Variants in SCN8A observed in about 807,000 individuals in gnomAD.
SCN8A encodes sodium channel protein type 8 subunit alpha.
SCN8A carries 30 observed loss-of-function variants against 184.1 expected under a neutral mutation model. That is an observed-to-expected ratio of 0.16 (90% CI 0.12 to 0.22). The LOEUF (loss-of-function observed/expected upper bound fraction) is 0.22, where lower values mean the gene tolerates loss of function less well. Among genes scored for constraint, SCN8A ranks in the 10% least tolerant of loss-of-function variants. The pLI is 1.00. For synonymous variants in SCN8A, 852 were observed against 907.0 expected (o/e 0.94, Z 1.09); for missense variants, 1,057 against 2,498.9 (o/e 0.42, Z 12.30).
At chr12:51,791,598 G>A (rs1938252537) in intron 25 of SCN8A, among the ~76,000 whole-genome samples, 1 of 152,176 alleles carries the variant, frequency 6.6e-6, no homozygotes, top group South Asian at 2.1e-4. Context: ...ATAGAAAAGG[G>A]TTAACATTTC....
intron 1 of SCN8A, among the ~76,000 whole-genome samples, chr12:51,647,060 A>G (rs1327834228): frequency 6.6e-6 from 1 of 152,178 alleles, no homozygotes; most frequent in African/African-American, 2.4e-5. Flanking sequence ...TAAAATATCT[A>G]AGTACTAACT....
chr12:51,619,245 A>G (rs1028185298), intron 1 of SCN8A, among the ~76,000 whole-genome samples: 2 of 152,212 alleles, frequency 1.3e-5, no homozygotes, highest in African/African-American at 4.8e-5. Flanking sequence ...GCAGAATGCC[A>G]TTAAATGGAT....
intron 2 of SCN8A, among the ~76,000 whole-genome samples, chr12:51,668,630 G>A (rs57751704): frequency 6.6e-6 from 1 of 151,988 alleles, no homozygotes; most frequent in Non-Finnish European, 1.5e-5. Flanking sequence ...GTGCTTCTGG[G>A]GGAAAGGATT....
chr12:51,780,748 T>C lies in SCN8A; in HGVS notation c.3919T>C (p.Leu1307=). ...TLRALRPLRA[L]SRFEGMRVVV... Reference sequence around the variant, plus strand: ...AAGAGCTTTGAGACCCTTAAGAGCCTTATCACGATTTGAAGGGATGAGGGT... The same window carrying C: ...AAGAGCTTTGAGACCCTTAAGAGCCCTATCACGATTTGAAGGGATGAGGGT... The change falls in exon 21 of 27, where the codon TTA becomes CTA. Residue 1307 remains leucine (L), a synonymous_variant. Transcript: ENST00000627620. 1 of 1,592,406 alleles carries C rather than the reference T, an allele frequency of 6.3e-7. No homozygotes were observed. The highest frequency in any genetic ancestry group is 8.5e-7 in the Non-Finnish European group (1 of 1,173,444).
intron 12 of SCN8A, among the ~76,000 whole-genome samples, chr12:51,741,340 G>T (rs1236584373): frequency 1.3e-5 from 2 of 152,058 alleles, no homozygotes; most frequent in Non-Finnish European, 2.9e-5. Flanking sequence ...TTTATTCTCA[G>T]TCTGTGTATC....
rs1479075840 is a variant in SCN8A, at chr12:51,739,137, A to T, written c.1999-6766A>T. On this transcript the variant is annotated intron_variant, in intron 12 of 26. Transcript: ENST00000627620. ...CTCTATCTGGCGGCCTGACTTGCTG[A>T]TTTTTTCTACATTCTTTTTTAGTAT... Among the ~76,000 whole-genome samples, 8 of 151,950 alleles carry T rather than the reference A, an allele frequency of 5.3e-5. 1 individual carries two copies. The highest frequency in any genetic ancestry group is 1.9e-4 in the African/African-American group (8 of 41,340).
chr12:51,770,480 G>A (rs1942907828), intron 18 of SCN8A, 49 bp from the exon 19 acceptor site: 2 of 1,512,590 alleles, frequency 1.3e-6, no homozygotes, highest in Admixed American at 2.0e-5. Flanking sequence ...GGGCAGGTCT[G>A]GGCGGGGCAC....
intron 14 of SCN8A, among the ~76,000 whole-genome samples, chr12:51,755,302 ATC>A (rs1411187902): frequency 1.3e-5 from 2 of 152,174 alleles, no homozygotes. Context: ...TTTCTATTTT[ATC>A]TGAGTTACAA....
intron 1 of SCN8A, among the ~76,000 whole-genome samples, chr12:51,659,609 G>C (rs1940888796): frequency 1.3e-5 from 2 of 152,272 alleles, no homozygotes; most frequent in Non-Finnish European, 1.5e-5. Flanking sequence ...CCTATAACTG[G>C]TAAGTTTGAG....
chr12:51,610,250 C>T (rs976204483), intron 1 of SCN8A, among the ~76,000 whole-genome samples: 1 of 151,496 alleles, frequency 6.6e-6, no homozygotes, highest in African/African-American at 2.4e-5. Flanking sequence ...CTTTTTCCAC[C>T]TGTTTACCTG....
At chr12:51,688,768 G>A (rs1253906842) in intron 5 of SCN8A, 1 of 1,613,442 alleles carries the variant, frequency 6.2e-7, no homozygotes, top group East Asian at 2.2e-5. Flanking sequence ...GTATATAACA[G>A]AGTTTGTAAA....
At chr12:51,794,814 A>G (rs1234891061) in intron 26 of SCN8A, among the ~76,000 whole-genome samples, 173 bp downstream of exon 26, 2 of 151,652 alleles carry the variant, frequency 1.3e-5, no homozygotes, top group Non-Finnish European at 2.9e-5. Context: ...AGCAGGTTCC[A>G]TGGTCAGTGA....
intron 7 of SCN8A, among the ~76,000 whole-genome samples, chr12:51,700,526 C>A (rs1016221116): frequency 1.3e-5 from 2 of 152,166 alleles, no homozygotes; most frequent in African/African-American, 4.8e-5. Context: ...AATCCTATTA[C>A]AGTTGAGTAG....
At chr12:51,794,697 A>G (rs1416519570) in intron 26 of SCN8A, 56 bp downstream of exon 26, 1 of 1,540,786 alleles carries the variant, frequency 6.5e-7, no homozygotes, top group Non-Finnish European at 8.9e-7. Flanking sequence ...GATTGTGAGG[A>G]TGAGATTTCC....
intron 1 of SCN8A, among the ~76,000 whole-genome samples, chr12:51,602,935 C>CT (rs576487360): frequency 2.6e-5 from 4 of 152,066 alleles, no homozygotes; most frequent in Non-Finnish European, 5.9e-5. Context: ...TATTATTTTC[C>CT]TTTTTTTCTT....
intron 25 of SCN8A, among the ~76,000 whole-genome samples, chr12:51,791,221 A>G (rs1938241496): frequency 6.6e-6 from 1 of 152,196 alleles, no homozygotes; most frequent in Non-Finnish European, 1.5e-5. Flanking sequence ...ACCACCAAAA[A>G]AACCCAGCAG....
At chr12:51,790,576 G>C in intron 25 of SCN8A, 74 bp downstream of exon 25, 1 of 980,262 alleles carries the variant, frequency 1.0e-6, no homozygotes, top group Non-Finnish European at 1.6e-6. Flanking sequence ...TACTGCAAAG[G>C]AAGGAAAAAG....
intron 2 of SCN8A, among the ~76,000 whole-genome samples, chr12:51,677,804 C>T (rs1941250104): frequency 6.6e-6 from 1 of 152,316 alleles, no homozygotes; most frequent in East Asian, 1.9e-4. Flanking sequence ...TGTGCTGAAA[C>T]ACATTCAGTG....
chr12:51,764,146 A>G (rs1428216552), intron 15 of SCN8A, among the ~76,000 whole-genome samples: 2 of 152,230 alleles, frequency 1.3e-5, no homozygotes, highest in Admixed American at 6.5e-5. Flanking sequence ...GTCTGCATAT[A>G]GGGTAACACC....
Sources: gnomAD v4.1 joint callset for allele counts (sites outside exome capture counted in the v4.1 genomes callset) on GRCh38, gnomAD v4.1.1 for gene constraint, MANE v1.5 for transcripts, NCBI Gene and HGNC (gene_info 2026-07-23, HGNC 2026-07-21) for gene names.